ERP29: variants seen among roughly 807,000 people sequenced by gnomAD.
The protein encoded by ERP29 is endoplasmic reticulum resident protein 29.
ERP29 carries 14 observed loss-of-function variants against 21.7 expected under a neutral mutation model. That is an observed-to-expected ratio of 0.64 (90% CI 0.43 to 1.01). ERP29 has a LOEUF of 1.01. ERP29 is among the 50% of genes least tolerant of loss of function. The pLI is 0.00. For synonymous variants in ERP29, 129 were observed against 139.1 expected, an observed-to-expected ratio of 0.93 and a Z score of 0.51; for missense variants, 286 against 327.3, an observed-to-expected ratio of 0.87 and a Z score of 0.97.
Position 112,013,616 on chromosome 12 carries a change from G to C in ERP29, c.144+7G>C, listed in dbSNP as rs373160292. ...TACGGTCACTTTCTACAAGGTAACC[G>C]GGGCGGGGGACGTCGCGCGCAGGTG... On this transcript the variant is annotated splice_region_variant and intron_variant, in intron 1 of 2. Coordinates refer to ENST00000261735, the MANE Select transcript of ERP29 (RefSeq NM_006817.4). The C allele has an allele frequency of 1.3e-6, 2 of 1,554,008 alleles. No individual in the cohort carries two copies. Among genetic ancestry groups the C allele is most frequent in the East Asian group, 2.4e-5 (1 of 41,372 alleles).
At position 112,023,278 on chromosome 12, in the gene ERP29, G is replaced by A. The variant is rs1477437847; in HGVS notation, c.*626G>A. 1 of 152,162 alleles carries A rather than the reference G, an allele frequency of 6.6e-6. No individual in the cohort carries two copies. Among genetic ancestry groups the A allele is most frequent in the Admixed American group, 6.5e-5 (1 of 15,288 alleles). The allele number at this position is 152,162 out of a possible 1,614,324, so 9.4% of individuals were successfully genotyped here. A position where few individuals can be genotyped will look rare whatever the true frequency, so the allele number is the denominator to read the frequency against. On this transcript the variant is annotated 3_prime_UTR_variant, in exon 3 of 3. Coordinates refer to ENST00000261735, the MANE Select transcript of ERP29 (RefSeq NM_006817.4). ...ATGGTGTAATTATTTTCCATGCTTT[G>A]TGAGGTACACATAGCAAATTCTTAG...
intron 2 of ERP29, among the ~76,000 whole-genome samples, chr12:112,021,773 G>A (rs1208327576): frequency 1.3e-5 from 2 of 151,908 alleles, no homozygotes; most frequent in African/African-American, 4.8e-5. Context: ...TGATCTGTCC[G>A]CCTCGGCCTC....
At chr12:112,020,448 A>C (rs1399082720) in intron 2 of ERP29, among the ~76,000 whole-genome samples, 1 of 152,202 alleles carries the variant, frequency 6.6e-6, no homozygotes, top group Non-Finnish European at 1.5e-5. Flanking sequence ...CCTGAGAAGC[A>C]AGATGTATTA....
intron 1 of ERP29, among the ~76,000 whole-genome samples, chr12:112,018,514 T>C (rs2078027209): frequency 6.6e-6 from 1 of 152,186 alleles, no homozygotes; most frequent in South Asian, 2.1e-4. Flanking sequence ...AAACAAAAAG[T>C]TGATGGAAGT....
Position 112,013,538 on chromosome 12 carries a change from TC to T in ERP29, c.75del (p.Ala26LeufsTer33). The T allele has an allele frequency of 6.2e-7, 1 of 1,612,822 alleles. No individual in the cohort carries two copies. On this transcript the variant is annotated frameshift_variant, in exon 1 of 3. Transcript: ENST00000261735. LOFTEE classifies it high-confidence loss of function. ...LPLLLGFLLL[S>X]APHGGSGLHT... ...CCTTCTCCTGGGCTTCCTGCTCCTC[TC>T]CGCTCCGCATGGCGGCAGCGGCCTG...
intron 1 of ERP29, chr12:112,019,431 A>G (rs1449709899): frequency 3.2e-5 from 12 of 376,086 alleles, no homozygotes; most frequent in African/African-American, 2.3e-4. Flanking sequence ...GGGCTGATGT[A>G]GTATGCAGAG....
chr12:112,016,889 CA>C (rs200340211), intron 1 of ERP29, among the ~76,000 whole-genome samples: 5 of 145,846 alleles, frequency 3.4e-5, no homozygotes, highest in African/African-American at 2.5e-5. Flanking sequence ...GACCCTGCCT[CA>C]AAAAAAAAAT....
Position 112,013,671 on chromosome 12 carries a change from C to A in ERP29, c.144+62C>A. Reference sequence around the variant, plus strand: ...CGGGGCGCCCGGAAGAGCGCGCGCCCGTGGGGAGACGCTGGATTCCGGGAG... The same window carrying A: ...CGGGGCGCCCGGAAGAGCGCGCGCCAGTGGGGAGACGCTGGATTCCGGGAG... On this transcript the variant is annotated intron_variant, in intron 1 of 2. Transcript: ENST00000261735. The A allele has an allele frequency of 5.5e-6, 8 of 1,455,792 alleles. No homozygotes were observed. In the South Asian group the frequency reaches 9.6e-5, roughly 18 times the overall value. The allele number at this position is 1,455,792 out of a possible 1,614,324, so 90.2% of individuals were successfully genotyped here. A position where few individuals can be genotyped will look rare whatever the true frequency, so the allele number is the denominator to read the frequency against.
chr12:112,013,924 A>T (rs1463881375), intron 1 of ERP29, among the ~76,000 whole-genome samples: 3 of 152,180 alleles, frequency 2.0e-5, no homozygotes, highest in African/African-American at 7.2e-5. Flanking sequence ...GCCTGGCGAG[A>T]TCCAACCCTC....
chr12:112,013,649 GGCGCCCGGAAGAGCGC>G (rs2136772151), intron 1 of ERP29, 40 bp downstream of exon 1: 3 of 1,503,576 alleles, frequency 2.0e-6, no homozygotes, highest in African/African-American at 1.4e-5. Context: ...GTGCCGCCGG[GGCGCCCGGAAGAGCGC>G]GCGCCCGTGG....
intron 1 of ERP29, among the ~76,000 whole-genome samples, chr12:112,013,989 C>T (rs554410962): frequency 9.9e-5 from 15 of 152,208 alleles, no homozygotes; most frequent in Admixed American, 5.9e-4. Context: ...ACCGGGCTCC[C>T]GGCTGTGGAA....
rs568257760 is a variant in ERP29, at chr12:112,016,627, T to C, written c.144+3018T>C. ...GGAAAATAGACTTCTAAAGCTATCATTAAGAGATAACAGACCACTTCGGGA... is the reference window on the plus strand; with the variant it reads ...GGAAAATAGACTTCTAAAGCTATCACTAAGAGATAACAGACCACTTCGGGA... On this transcript the variant is annotated intron_variant, in intron 1 of 2. Transcript: ENST00000261735. Among the ~76,000 whole-genome samples the C allele has an allele frequency of 4.6e-5, 7 of 152,298 alleles. No homozygotes were observed. The East Asian group carries it at 1.3e-3, about 29-fold the overall frequency.
chr12:112,015,734 C>T (rs1225687948), intron 1 of ERP29, among the ~76,000 whole-genome samples: 1 of 152,218 alleles, frequency 6.6e-6, no homozygotes, highest in Non-Finnish European at 1.5e-5. Context: ...AGCCTCTTCT[C>T]TGGTCTCCCT....
intron 1 of ERP29, among the ~76,000 whole-genome samples, chr12:112,016,995 G>C (rs1318782171): frequency 6.6e-6 from 1 of 152,202 alleles, no homozygotes; most frequent in African/African-American, 2.4e-5. Flanking sequence ...TAAGAATGGT[G>C]AAAGTAGAAG....
rs1164185865 is a variant in ERP29, at chr12:112,021,515, C to CTTTTTTTTTTTTTTTTTT, written c.284-626_284-609dup. ...CTTAGAAGAATATGAGCTTAATAGT[C>CTTTTTTTTTTTTTTTTTT]TTTTTTTTTTTTTTTTTTTTTTTTT... On this transcript the variant is annotated intron_variant, in intron 2 of 2. Coordinates refer to ENST00000261735, the MANE Select transcript of ERP29 (RefSeq NM_006817.4). Among the ~76,000 whole-genome samples the CTTTTTTTTTTTTTTTTTT allele has an allele frequency of 4.3e-5, 3 of 70,044 alleles. 1 individual carries two copies. Among genetic ancestry groups the CTTTTTTTTTTTTTTTTTT allele is most frequent in the African/African-American group, 2.2e-4 (3 of 13,584 alleles). The allele number at this position is 70,044 out of a possible 152,430, so 46.0% of individuals were successfully genotyped here. A position where few individuals can be genotyped will look rare whatever the true frequency, so the allele number is the denominator to read the frequency against.
intron 2 of ERP29, among the ~76,000 whole-genome samples, chr12:112,020,799 T>C (rs1470271590): frequency 6.6e-6 from 1 of 152,248 alleles, no homozygotes; most frequent in Non-Finnish European, 1.5e-5. Context: ...CTGAGTGTTT[T>C]ACATGTGTTT....
chr12:112,021,770 T>TC (rs1462088261), intron 2 of ERP29, among the ~76,000 whole-genome samples: 1 of 151,874 alleles, frequency 6.6e-6, no homozygotes, highest in African/African-American at 2.4e-5. Context: ...TCGTGATCTG[T>TC]CCGCCTCGGC....
rs1389445913 is a variant in ERP29 at position 112,022,544 on chromosome 12, G to T, written c.678G>T (p.Arg226Ser). 1 of 1,614,216 alleles carries T rather than the reference G, an allele frequency of 6.2e-7. No homozygotes were observed. Among genetic ancestry groups the T allele is most frequent in the Admixed American group, 1.7e-5 (1 of 60,028 alleles). Residue 226 changes from arginine to serine, a missense_variant, in exon 3 of 3, where the codon AGG (arginine) becomes AGT (serine). Arg to Ser is a moderately radical substitution (Grantham distance 110). Coordinates refer to ENST00000261735, the MANE Select transcript of ERP29 (RefSeq NM_006817.4). ...CATCAGAGATGACACGGATCGCCAG[G>T]CTGATTGAGAAGAACAAGATGAGTG... ...FPASEMTRIA[R>S]LIEKNKMSDG...
At position 112,022,203 on chromosome 12, in the gene ERP29, G is replaced by C. The variant is rs1388345466; in HGVS notation, c.337G>C (p.Glu113Gln). ...GAGTGAGAAATACAAGCTGGACAAA[G>C]AGAGCTACCCAGTCTTCTACCTCTT... The part of the protein sequence containing the change: ...ELSEKYKLDK[E>Q]SYPVFYLFRD... Residue 113 changes from glutamate to glutamine, a missense_variant, in exon 3 of 3, where the codon GAG (glutamate) becomes CAG (glutamine). Coordinates refer to ENST00000261735, the MANE Select transcript of ERP29 (RefSeq NM_006817.4). 3.1e-6 allele frequency: 5 copies of C among 1,614,086 alleles called. No homozygotes were observed. The East Asian group carries it at 1.1e-4, about 36-fold the overall frequency.
Sources: allele counts gnomAD v4.1 joint callset (sites outside exome capture counted in the v4.1 genomes callset), GRCh38; gene constraint gnomAD v4.1.1; transcripts MANE v1.5; gene names NCBI Gene and HGNC (gene_info 2026-07-23, HGNC 2026-07-21).